MGAT5: variants seen among roughly 807,000 people sequenced by gnomAD.
MGAT5 encodes alpha-1,6-mannosylglycoprotein 6-beta-N-acetylglucosaminyltransferase, also known as alpha-1,6-mannosylglycoprotein 6-beta-N-acetylglucosaminyltransferase A.
In MGAT5, 30 loss-of-function variants were observed where a neutral mutation model predicts 94.3. The observed-to-expected ratio is 0.32, with a 90% CI of 0.24 to 0.43. MGAT5 has a LOEUF of 0.43. MGAT5 is among the 20% of genes least tolerant of loss of function. The probability of loss-of-function intolerance (pLI) is 1.00; values close to 1 mark genes in which losing one functional copy is unlikely to be tolerated. For synonymous variants in MGAT5, 310 were observed against 322.9 expected (o/e 0.96, Z 0.43); for missense variants, 691 against 905.5 (o/e 0.76, Z 3.04).
At chr2:134,178,264 A>G (rs541418011) in intron 1 of MGAT5, among the ~76,000 whole-genome samples, 1 of 152,316 alleles carries the variant, frequency 6.6e-6, no homozygotes, top group East Asian at 1.9e-4. Flanking sequence ...TTTCTAACAG[A>G]TTCTAATACA....
At position 134,235,413 on chromosome 2, in the gene MGAT5, C is replaced by G. The variant is rs77747696; in HGVS notation, c.-142-18849C>G. 5.3e-5 allele frequency among the ~76,000 whole-genome samples: 8 copies of G among 152,122 alleles called. No individual in the cohort carries two copies. In the East Asian group the frequency reaches 1.3e-3, roughly 26 times the overall value. The stretch of plus-strand genomic sequence containing the variant: ...CTACCATTTGTATTTAAAACGTCTT[C>G]CAACATGATCGTGATACCCAGTGAG... On this transcript the variant is annotated intron_variant, in intron 1 of 16. Transcript: ENST00000409645.
At chr2:134,173,434 T>C (rs776716042) in intron 1 of MGAT5, among the ~76,000 whole-genome samples, 5 of 152,194 alleles carry the variant, frequency 3.3e-5, no homozygotes, top group Non-Finnish European at 7.3e-5. Flanking sequence ...GTTTATGCTC[T>C]GGGAAAGATG....
At chr2:134,416,796 G>A (rs1327637908) in intron 12 of MGAT5, among the ~76,000 whole-genome samples, 2 of 145,106 alleles carry the variant, frequency 1.4e-5, no homozygotes, top group Middle Eastern at 7.3e-3. Context: ...CAGAAACAAA[G>A]GTCTTACTAT....
chr2:134,120,428 C>A, intron 1 of MGAT5: 2 of 326,556 alleles, frequency 6.1e-6, no homozygotes, highest in South Asian at 1.4e-4. Flanking sequence ...TCGGCGCGGT[C>A]GGGGGCTTCC....
In MGAT5 at chr2:134,320,770, A is replaced by G. The variant is rs377405716; in HGVS notation, c.573+2031A>G. Among the ~76,000 whole-genome samples, 304 of 152,240 alleles carry G rather than the reference A, an allele frequency of 2.0e-3. 2 individuals are homozygous for G. The highest frequency in any genetic ancestry group is 7.1e-3 in the African/African-American group (293 of 41,548). ...TTCAGATGCCTCTCTTTTCTTTGCC[A>G]TAGGGTGATGGGGATAGAGGCCAAA... On this transcript the variant is annotated intron_variant, in intron 4 of 15. Transcript: ENST00000281923.
chr2:134,334,035 A>C (rs1157979129), intron 4 of MGAT5, among the ~76,000 whole-genome samples: 1 of 152,126 alleles, frequency 6.6e-6, no homozygotes, highest in South Asian at 2.1e-4. Flanking sequence ...TTCATAATTG[A>C]TTTTCCCACC....
intron 2 of MGAT5, among the ~76,000 whole-genome samples, chr2:134,289,727 A>G (rs1461736148): frequency 6.6e-6 from 1 of 152,152 alleles, no homozygotes; most frequent in Non-Finnish European, 1.5e-5. Context: ...ATCTTGGCAC[A>G]TGTTAGGTAC....
At chr2:134,222,521 G>A (rs921835953) in intron 1 of MGAT5, among the ~76,000 whole-genome samples, 3 of 152,294 alleles carry the variant, frequency 2.0e-5, no homozygotes, top group African/African-American at 7.2e-5. Context: ...TATCTCCATA[G>A]GTATAGTATC....
intron 2 of MGAT5, among the ~76,000 whole-genome samples, chr2:134,285,788 T>C (rs1462273513): frequency 6.6e-6 from 1 of 152,186 alleles, no homozygotes; most frequent in East Asian, 1.9e-4. Context: ...TTATGGAAGA[T>C]GGGAATTTAG....
intron 4 of MGAT5, among the ~76,000 whole-genome samples, 177 bp from the exon 5 acceptor site, chr2:134,336,040 C>A (rs1008400856): frequency 1.3e-5 from 2 of 152,170 alleles, no homozygotes; most frequent in East Asian, 3.9e-4. Flanking sequence ...ATTGTTTCAT[C>A]TGAGAGGGCA....
intron 14 of MGAT5, among the ~76,000 whole-genome samples, chr2:134,439,078 G>A (rs1287286239): frequency 2.0e-5 from 3 of 152,106 alleles, no homozygotes; most frequent in Admixed American, 6.5e-5. Context: ...GTTGGAATCA[G>A]GATCCTTGAT....
chr2:134,137,054 A>G (rs747567450), intron 1 of MGAT5, among the ~76,000 whole-genome samples: 1 of 152,206 alleles, frequency 6.6e-6, no homozygotes, highest in Non-Finnish European at 1.5e-5. Context: ...CAGAAGTCTG[A>G]TTTCAGCTTC....
At chr2:134,420,360 T>C (rs1437049825) in intron 12 of MGAT5, among the ~76,000 whole-genome samples, 1 of 152,156 alleles carries the variant, frequency 6.6e-6, no homozygotes, top group African/African-American at 2.4e-5. Flanking sequence ...CTGTAGCTTT[T>C]ATCACTGACC....
chr2:134,229,987 G>A (rs1465639387), intron 1 of MGAT5, among the ~76,000 whole-genome samples: 1 of 152,226 alleles, frequency 6.6e-6, no homozygotes, highest in East Asian at 1.9e-4. Context: ...CTTTACATCT[G>A]TTAGGATGGC....
rs138175843 is a variant in MGAT5, at chr2:134,384,037, T to G, written c.1381-18951T>G. The stretch of plus-strand genomic sequence containing the variant: ...GAGAAAGAATCAAAAGAAGGGTATA[T>G]TGGACATAAAAATTTTATGTAATTC... On this transcript the variant is annotated intron_variant, in intron 10 of 15. Transcript: ENST00000281923. Among the ~76,000 whole-genome samples, 572 of 152,256 alleles carry G rather than the reference T, an allele frequency of 3.8e-3. 1 individual carries two copies. The highest frequency in any genetic ancestry group is 5.9e-3 in the Non-Finnish European group (400 of 68,020).
intron 4 of MGAT5, among the ~76,000 whole-genome samples, chr2:134,319,447 A>T (rs1687192222): frequency 6.6e-6 from 1 of 152,176 alleles, no homozygotes. Flanking sequence ...GAGATGCCAC[A>T]TGATCAGAAT....
intron 10 of MGAT5, among the ~76,000 whole-genome samples, chr2:134,379,520 G>A (rs1681403828): frequency 6.6e-6 from 1 of 152,124 alleles, no homozygotes; most frequent in African/African-American, 2.4e-5. Context: ...TTTTAGGCAG[G>A]CACACCAGCA....
At chr2:134,416,474 C>CTTTTTTTTTTTTTTTT (rs71275904) in intron 12 of MGAT5, among the ~76,000 whole-genome samples, 6,438 of 136,202 alleles carry the variant, frequency 0.047, 263 homozygotes, top group East Asian at 0.16. Flanking sequence ...TCATTCCTTA[C>CTTTTTTTTTTTTTTTT]TTTTTTTTTT....
intron 1 of MGAT5, among the ~76,000 whole-genome samples, chr2:134,158,945 C>T (rs1459446728): frequency 6.6e-6 from 1 of 152,074 alleles, no homozygotes; most frequent in Non-Finnish European, 1.5e-5. Flanking sequence ...TTGAGGTAGA[C>T]TATAAATGTA....
Sources: gnomAD v4.1 joint callset for allele counts (sites outside exome capture counted in the v4.1 genomes callset) on GRCh38, gnomAD v4.1.1 for gene constraint, MANE v1.5 for transcripts, NCBI Gene and HGNC (gene_info 2026-07-23, HGNC 2026-07-21) for gene names.